The following GRIN2A variants were observed in gnomAD, a reference collection of about 807,000 sequenced individuals.
GRIN2A encodes the protein glutamate ionotropic receptor NMDA type subunit 2A.
In GRIN2A, 22 loss-of-function variants were observed where a neutral mutation model predicts 113.4. The observed-to-expected ratio is 0.19, with a 90% CI of 0.14 to 0.28. The LOEUF (loss-of-function observed/expected upper bound fraction) is 0.28, where lower values mean the gene tolerates loss of function less well. Among genes scored for constraint, GRIN2A ranks in the 10% least tolerant of loss-of-function variants. GRIN2A has a pLI of 1.00. For missense variants in GRIN2A, 1,502 were observed against 1,887.0 expected (o/e 0.80, Z 3.78); for synonymous variants, 827 against 738.4 (o/e 1.12, Z -1.94).
intron 11 of GRIN2A, among the ~76,000 whole-genome samples, chr16:9,788,152 A>G (rs748241673): frequency 2.6e-5 from 4 of 151,886 alleles, no homozygotes; most frequent in Non-Finnish European, 5.9e-5. Context: ...CTTAGCAAAC[A>G]TTTCTTACCT....
At chr16:9,837,709 C>T (rs940077664) in intron 7 of GRIN2A, among the ~76,000 whole-genome samples, 1 of 152,056 alleles carries the variant, frequency 6.6e-6, no homozygotes, top group African/African-American at 2.4e-5. Flanking sequence ...AGTGAATGTC[C>T]ACTTAAGAAT....
At chr16:10,112,455 T>A (rs950725818) in intron 2 of GRIN2A, 3 of 810,522 alleles carry the variant, frequency 3.7e-6, no homozygotes, top group South Asian at 1.4e-5. Flanking sequence ...CTTTGGTGTG[T>A]CCATCATAGC....
At chr16:9,838,371 C>T (rs2042617315) in intron 7 of GRIN2A, among the ~76,000 whole-genome samples, 2 of 152,098 alleles carry the variant, frequency 1.3e-5, no homozygotes, top group South Asian at 4.1e-4. Flanking sequence ...GCACAACTCA[C>T]AATTGCAAAG....
chr16:10,180,148 G>A lies in GRIN2A; in HGVS notation c.264C>T (p.Asp88=), dbSNP rs367543127. 6.2e-6 allele frequency: 10 copies of A among 1,614,112 alleles called. No individual in the cohort carries two copies. The African/African-American group carries it at 1.3e-4, about 22-fold the overall frequency. The change falls in exon 2 of 13, where the codon GAC becomes GAT. Residue 88 remains aspartate (D), a synonymous_variant. Coordinates refer to ENST00000330684, the MANE Select transcript of GRIN2A (RefSeq NM_001134407.3). This position sits in a 1 kb window ranked among gnomAD's most constrained non-coding sequence, Gnocchi z 7.0. ...DPKSLITHVC[D]LMSGARIHGL... ...CGTGGATGCGTGCCCCGGACATGAG[G>A]TCGCACACGTGCGTGATGAGGCTCT...
At chr16:9,890,517 T>A (rs9923351) in intron 4 of GRIN2A, among the ~76,000 whole-genome samples, 1,715 of 152,356 alleles carry the variant, frequency 0.011, 32 homozygotes, top group African/African-American at 0.038. Context: ...CTCTAACTCA[T>A]GATTTACAGA....
chr16:9,966,138 T>C (rs2045552732), intron 2 of GRIN2A, among the ~76,000 whole-genome samples: 1 of 152,164 alleles, frequency 6.6e-6, no homozygotes, highest in African/African-American at 2.4e-5. Context: ...TACTTTTAAG[T>C]TCAAGGATAC....
At chr16:9,860,852 C>T (rs548844516) in intron 4 of GRIN2A, among the ~76,000 whole-genome samples, 3 of 152,192 alleles carry the variant, frequency 2.0e-5, no homozygotes, top group South Asian at 2.1e-4. Context: ...TCCTCAACCA[C>T]GTGATCCATG....
chr16:10,139,772 T>C (rs1198724719), intron 2 of GRIN2A, among the ~76,000 whole-genome samples: 12 of 152,226 alleles, frequency 7.9e-5, no homozygotes, highest in Non-Finnish European at 1.8e-4. Flanking sequence ...GAAACACTGA[T>C]TTGGTCTGTA....
At chr16:9,865,166 T>C (rs2043141531) in intron 4 of GRIN2A, among the ~76,000 whole-genome samples, 2 of 152,168 alleles carry the variant, frequency 1.3e-5, no homozygotes, top group South Asian at 4.1e-4. Flanking sequence ...AAAACAGTAA[T>C]AAGCTTAACG....
chr16:9,765,516 A>C (rs1043900830), intron 12 of GRIN2A, among the ~76,000 whole-genome samples: 1 of 152,192 alleles, frequency 6.6e-6, no homozygotes, highest in African/African-American at 2.4e-5. Context: ...ATTCATCTAA[A>C]GGAAGGCATG....
At chr16:10,154,855 T>C (rs1247876254) in intron 2 of GRIN2A, among the ~76,000 whole-genome samples, 1 of 152,180 alleles carries the variant, frequency 6.6e-6, no homozygotes, top group Non-Finnish European at 1.5e-5. Context: ...TGGGTTTTTG[T>C]TATATTTTAG....
intron 2 of GRIN2A, among the ~76,000 whole-genome samples, chr16:9,990,563 G>GCGCGCACA (rs1446741885): frequency 8.0e-6 from 1 of 124,430 alleles, no homozygotes. Flanking sequence ...GCGCGCGCGC[G>GCGCGCACA]CACACACACA....
At chr16:9,949,451 A>G (rs2045114304) in intron 2 of GRIN2A, among the ~76,000 whole-genome samples, 1 of 151,688 alleles carries the variant, frequency 6.6e-6, no homozygotes, top group South Asian at 2.1e-4. Flanking sequence ...GGATGAATGG[A>G]TGGGTGGGCA....
At chr16:10,026,681 A>G (rs924960268) in intron 2 of GRIN2A, among the ~76,000 whole-genome samples, 2 of 147,864 alleles carry the variant, frequency 1.4e-5, no homozygotes, top group African/African-American at 2.6e-5. Context: ...CACCACCAGC[A>G]GACATGGGCC....
intron 2 of GRIN2A, among the ~76,000 whole-genome samples, chr16:10,039,615 G>C (rs964100082): frequency 6.6e-6 from 1 of 151,732 alleles, no homozygotes; most frequent in Non-Finnish European, 1.5e-5. Flanking sequence ...GTGGCGTTGG[G>C]CGCGGGGAGG....
chr16:10,007,280 C>A (rs2046421033), intron 2 of GRIN2A, among the ~76,000 whole-genome samples: 1 of 152,342 alleles, frequency 6.6e-6, no homozygotes, highest in East Asian at 1.9e-4. Context: ...CCTCCACATC[C>A]TCCCCAGCAT....
chr16:9,880,923 C>T (rs545550079), intron 4 of GRIN2A, among the ~76,000 whole-genome samples: 100 of 152,326 alleles, frequency 6.6e-4, no homozygotes, highest in African/African-American at 2.2e-3. Flanking sequence ...CCTGCAGTTA[C>T]GAGCATCTCT....
At chr16:10,037,192 G>A (rs12447029) in intron 2 of GRIN2A, 32,344 of 151,930 alleles carry the variant, frequency 0.21, 4,169 homozygotes, top group East Asian at 0.52. Context: ...TGACCTGGTC[G>A]GTCATTTAAA....
chr16:10,045,467 C>G (rs1001692345), intron 2 of GRIN2A, among the ~76,000 whole-genome samples: 3 of 152,002 alleles, frequency 2.0e-5, no homozygotes, highest in Non-Finnish European at 4.4e-5. Flanking sequence ...TCCGAATCTG[C>G]ACTGCTCTGG....
Sources: allele counts gnomAD v4.1 joint callset (sites outside exome capture counted in the v4.1 genomes callset), GRCh38; gene constraint gnomAD v4.1.1; non-coding constraint Gnocchi (gnomAD v3.1); transcripts MANE v1.5; gene names NCBI Gene and HGNC (gene_info 2026-07-23, HGNC 2026-07-21).